The following JAZF1 variants were observed in gnomAD, a reference collection of about 807,000 sequenced individuals.
JAZF1 encodes the protein juxtaposed with another zinc finger protein 1.
JAZF1 carries 8 observed loss-of-function variants against 26.4 expected under a neutral mutation model. That is an observed-to-expected ratio of 0.30 (90% CI 0.18 to 0.55). JAZF1 has a LOEUF of 0.55. JAZF1 is among the 20% of genes least tolerant of loss of function. JAZF1 has a pLI of 0.94. For synonymous variants in JAZF1, 126 were observed against 122.3 expected (o/e 1.03, Z -0.20); for missense variants, 199 against 322.0 (o/e 0.62, Z 2.92).
chr7:28,125,988 T>C (rs1782686129), intron 1 of JAZF1, among the ~76,000 whole-genome samples: 2 of 152,132 alleles, frequency 1.3e-5, no homozygotes, highest in African/African-American at 4.8e-5. Context: ...TCCACCGGAA[T>C]GGGATCCAAG....
rs1042813593 is a variant in JAZF1, at chr7:27,872,023, G to A, written c.385+23197C>T. On this transcript the variant is annotated intron_variant, in intron 3 of 4. Transcript: ENST00000283928. ...AATTGTTATAATGTCACTGCCTATG[G>A]TGCTGTTGAGGCTTTATAGCCACAG... Among the ~76,000 whole-genome samples the A allele has an allele frequency of 3.4e-4, 51 of 152,178 alleles. 1 individual carries two copies. The highest frequency in any genetic ancestry group is 1.2e-3 in the African/African-American group (48 of 41,442).
chr7:27,839,656 C>T (rs1782884185), intron 4 of JAZF1, among the ~76,000 whole-genome samples: 1 of 152,174 alleles, frequency 6.6e-6, no homozygotes, highest in Admixed American at 6.5e-5. Context: ...CTGGACTTTG[C>T]ATGATGGAAT....
At chr7:27,859,777 G>A (rs2128335872) in intron 3 of JAZF1, among the ~76,000 whole-genome samples, 1 of 152,300 alleles carries the variant, frequency 6.6e-6, no homozygotes, top group East Asian at 1.9e-4. Flanking sequence ...TAGATGACGG[G>A]TTGATGGGTG....
chr7:27,851,101 C>A (rs1462940805), intron 3 of JAZF1, among the ~76,000 whole-genome samples: 1 of 152,118 alleles, frequency 6.6e-6, no homozygotes, highest in African/African-American at 2.4e-5. Context: ...GGCCACCACG[C>A]CTGGCTAGTT....
At chr7:28,035,039 G>A (rs1783261374) in intron 1 of JAZF1, among the ~76,000 whole-genome samples, 2 of 151,960 alleles carry the variant, frequency 1.3e-5, no homozygotes, top group African/African-American at 4.8e-5. Context: ...GAAATAGGCT[G>A]GGTGCAGTGG....
intron 2 of JAZF1, among the ~76,000 whole-genome samples, chr7:27,981,774 G>A (rs74882951): frequency 0.013 from 1,903 of 152,064 alleles, 39 homozygotes; most frequent in African/African-American, 0.042. Context: ...CACTTTCTCC[G>A]AGATGACTTA....
At chr7:28,018,179 C>G (rs1477898171) in intron 1 of JAZF1, among the ~76,000 whole-genome samples, 1 of 152,120 alleles carries the variant, frequency 6.6e-6, no homozygotes, top group African/African-American at 2.4e-5. Context: ...AGGCCAAGGG[C>G]AGGATGGGGG....
intron 2 of JAZF1, among the ~76,000 whole-genome samples, chr7:27,908,221 A>G (rs1488072193): frequency 6.6e-6 from 1 of 152,264 alleles, no homozygotes; most frequent in African/African-American, 2.4e-5. Flanking sequence ...TTTATGGTGT[A>G]TATGAGACTT....
chr7:27,929,490 G>T (rs1026158714), intron 2 of JAZF1, among the ~76,000 whole-genome samples: 1 of 152,206 alleles, frequency 6.6e-6, no homozygotes, highest in Admixed American at 6.5e-5. Context: ...TTACTAAATA[G>T]TACCTTAACC....
chr7:28,112,448 T>C (rs1246192493), intron 1 of JAZF1, among the ~76,000 whole-genome samples: 1 of 152,244 alleles, frequency 6.6e-6, no homozygotes, highest in Non-Finnish European at 1.5e-5. Context: ...ACTTAAAGTT[T>C]GTAAAGTTGG....
chr7:28,064,874 C>G (rs545066872), intron 1 of JAZF1, among the ~76,000 whole-genome samples: 41 of 152,042 alleles, frequency 2.7e-4, no homozygotes, highest in Non-Finnish European at 5.3e-4. Context: ...ATCTTAAATT[C>G]TACCATTAGA....
At chr7:28,076,709 CAAAAA>C (rs34918786) in intron 1 of JAZF1, among the ~76,000 whole-genome samples, 2 of 97,446 alleles carry the variant, frequency 2.1e-5, no homozygotes, top group African/African-American at 3.5e-5. Flanking sequence ...TTCTCTCTCT[CAAAAA>C]AAAAAAAAAA....
intron 3 of JAZF1, among the ~76,000 whole-genome samples, chr7:27,894,111 G>A (rs1784019610): frequency 6.6e-6 from 1 of 152,168 alleles, no homozygotes; most frequent in Non-Finnish European, 1.5e-5. Context: ...GAGTGATCTT[G>A]TTTGGCCCCT....
At chr7:28,090,802 G>A (rs1784281696) in intron 1 of JAZF1, among the ~76,000 whole-genome samples, 2 of 147,414 alleles carry the variant, frequency 1.4e-5, no homozygotes, top group African/African-American at 2.5e-5. Flanking sequence ...CTATTCCACA[G>A]ACTTTTTTTT....
At chr7:27,896,710 C>T (rs1195614818) in intron 2 of JAZF1, among the ~76,000 whole-genome samples, 2 of 152,124 alleles carry the variant, frequency 1.3e-5, no homozygotes, top group South Asian at 4.1e-4. Flanking sequence ...AATTAAACAC[C>T]CAATGAAACA....
intron 2 of JAZF1, among the ~76,000 whole-genome samples, chr7:27,954,479 G>C (rs759241852): frequency 3.6e-4 from 55 of 152,192 alleles, no homozygotes; most frequent in Non-Finnish European, 5.0e-4. Flanking sequence ...CTGCAATATC[G>C]ATCTTGTCCT....
intron 1 of JAZF1, among the ~76,000 whole-genome samples, chr7:28,168,982 G>A (rs1403483809): frequency 6.6e-6 from 1 of 152,210 alleles, no homozygotes; most frequent in Admixed American, 6.5e-5. Flanking sequence ...GATTGTGAAT[G>A]GCAACCCATG....
chr7:28,137,040 A>G (rs981676014), intron 1 of JAZF1, among the ~76,000 whole-genome samples: 3 of 152,190 alleles, frequency 2.0e-5, no homozygotes, highest in African/African-American at 7.2e-5. Context: ...ACAGCCCAAC[A>G]AGCTAGGCAT....
intron 4 of JAZF1, among the ~76,000 whole-genome samples, chr7:27,837,720 A>T (rs1782843814): frequency 6.6e-6 from 1 of 152,132 alleles, no homozygotes; most frequent in South Asian, 2.1e-4. Flanking sequence ...GGAGAGAGGA[A>T]GGGACAGGGG....
Sources: allele counts gnomAD v4.1 joint callset (sites outside exome capture counted in the v4.1 genomes callset), GRCh38; gene constraint gnomAD v4.1.1; transcripts MANE v1.5; gene names NCBI Gene and HGNC (gene_info 2026-07-23, HGNC 2026-07-21).